The following ERC2 variants were observed in gnomAD, a reference collection of about 807,000 sequenced individuals.
ERC2 encodes the protein ELKS/RAB6-interacting/CAST family member 2.
A neutral mutation model predicts 114.8 loss-of-function variants in ERC2; 42 were observed. The ratio of observed to expected loss-of-function variants is 0.37; its 90% CI spans 0.29 to 0.47. The LOEUF is 0.47. Ranked by LOEUF, ERC2 falls within the 20% of genes least tolerant of loss-of-function variation. The pLI, the probability that ERC2 is intolerant of heterozygous loss-of-function variation, is 0.99. For synonymous variants in ERC2, 454 were observed against 425.5 expected, an observed-to-expected ratio of 1.07 and a Z score of -0.82; for missense variants, 939 against 1,150.7, an observed-to-expected ratio of 0.82 and a Z score of 2.66.
At position 56,148,912 on chromosome 3, in the gene ERC2, A is replaced by G; in HGVS notation, c.1305+65T>C. On this transcript the variant is annotated intron_variant, in intron 5 of 17. Transcript: ENST00000288221. ...ATTATATGGAGTATTTGGAAAAAGT[A>G]TGTATGTAAACTGTAACTTTCTAGT... The G allele has an allele frequency of 2.1e-6, 3 of 1,430,084 alleles. 1 individual carries two copies. Among genetic ancestry groups the G allele is most frequent in the Middle Eastern group, 1.8e-4 (1 of 5,422 alleles). The allele number at this position is 1,430,084 out of a possible 1,614,324, so 88.6% of individuals were successfully genotyped here. A position where few individuals can be genotyped will look rare whatever the true frequency, so the allele number is the denominator to read the frequency against.
intron 3 of ERC2, among the ~76,000 whole-genome samples, chr3:56,214,965 C>G (rs1203983207): frequency 6.6e-6 from 1 of 152,184 alleles, no homozygotes; most frequent in African/African-American, 2.4e-5. Flanking sequence ...CATCACCATG[C>G]CTGCCCTAAA....
chr3:55,968,503 C>A (rs1000263855), intron 12 of ERC2, among the ~76,000 whole-genome samples: 2 of 152,152 alleles, frequency 1.3e-5, no homozygotes, highest in African/African-American at 4.8e-5. Context: ...GCTGCAATGA[C>A]TAATTATAAG....
chr3:55,757,920 A>G (rs929344926), intron 14 of ERC2, among the ~76,000 whole-genome samples: 2 of 152,096 alleles, frequency 1.3e-5, no homozygotes, highest in Non-Finnish European at 1.5e-5. Flanking sequence ...ATTCTATCAA[A>G]TCAAGATAAA....
chr3:56,063,658 A>G (rs1271977409), intron 7 of ERC2, among the ~76,000 whole-genome samples: 1 of 152,208 alleles, frequency 6.6e-6, no homozygotes, highest in African/African-American at 2.4e-5. Context: ...ACCTTAAGTA[A>G]CAACACTGAG....
At chr3:55,713,692 C>A (rs2063917514) in intron 15 of ERC2, among the ~76,000 whole-genome samples, 1 of 152,182 alleles carries the variant, frequency 6.6e-6, no homozygotes, top group Non-Finnish European at 1.5e-5. Context: ...ATAATTAGTT[C>A]CTTGTACATG....
chr3:55,990,734 T>C (rs1180790926), intron 11 of ERC2, among the ~76,000 whole-genome samples: 3 of 152,206 alleles, frequency 2.0e-5, no homozygotes, highest in African/African-American at 7.2e-5. Flanking sequence ...TTATTTGTTT[T>C]AGCATTTGTT....
At chr3:55,781,561 G>C (rs1173103506) in intron 14 of ERC2, among the ~76,000 whole-genome samples, 1 of 151,752 alleles carries the variant, frequency 6.6e-6, no homozygotes, top group African/African-American at 2.4e-5. Flanking sequence ...CTGAGGAGAT[G>C]AAACAACTCA....
chr3:56,280,251 A>G (rs1440944819), intron 3 of ERC2, among the ~76,000 whole-genome samples: 1 of 152,212 alleles, frequency 6.6e-6, no homozygotes, highest in East Asian at 1.9e-4. Context: ...GAGAGCTTCC[A>G]GAAGGAATGC....
chr3:56,309,735 A>C (rs910249297), intron 2 of ERC2, among the ~76,000 whole-genome samples: 3 of 152,230 alleles, frequency 2.0e-5, no homozygotes, highest in Non-Finnish European at 2.9e-5. Flanking sequence ...CTGAGTGAGC[A>C]AACAAGTTCC....
chr3:56,192,416 T>A (rs1396251726), intron 3 of ERC2, among the ~76,000 whole-genome samples: 1 of 152,200 alleles, frequency 6.6e-6, no homozygotes, highest in Non-Finnish European at 1.5e-5. Context: ...ATGTACATAA[T>A]CTCATTTATA....
chr3:55,700,740 G>A (rs2063183066), intron 15 of ERC2, among the ~76,000 whole-genome samples: 1 of 152,020 alleles, frequency 6.6e-6, no homozygotes, highest in South Asian at 2.1e-4. Context: ...CTGGAGGCTG[G>A]GTGACACGTG....
intron 14 of ERC2, among the ~76,000 whole-genome samples, chr3:55,828,974 T>C (rs1462698497): frequency 6.6e-6 from 1 of 151,872 alleles, no homozygotes; most frequent in Non-Finnish European, 1.5e-5. Flanking sequence ...CCTGTCTCTA[T>C]AAAAAAATTA....
intron 3 of ERC2, among the ~76,000 whole-genome samples, chr3:56,197,115 C>T (rs1382898260): frequency 6.6e-6 from 1 of 152,138 alleles, no homozygotes; most frequent in Non-Finnish European, 1.5e-5. Flanking sequence ...AGGCATGATC[C>T]TAAGAAATAG....
chr3:56,402,914 G>A (rs9862137), intron 2 of ERC2, among the ~76,000 whole-genome samples: 6,769 of 152,180 alleles, frequency 0.044, 376 homozygotes, highest in African/African-American at 0.13. Flanking sequence ...ATTCTTTGTT[G>A]CAAGGGACTC....
chr3:56,157,722 T>C (rs2081814404), intron 4 of ERC2, among the ~76,000 whole-genome samples: 1 of 151,334 alleles, frequency 6.6e-6, no homozygotes, highest in African/African-American at 2.4e-5. Context: ...CAGATCATTC[T>C]ACATTCAACC....
rs111922008 is a variant in ERC2 at position 56,142,216 on chromosome 3, C to A, written c.1306-2540G>T. On this transcript the variant is annotated intron_variant, in intron 5 of 17. Transcript: ENST00000288221. ...AATTTTCACACTTATTTGCAGGAAA[C>A]GTCTAAAAAACCCACTTATCCTTAT... Among the ~76,000 whole-genome samples, 394 of 152,148 alleles carry A rather than the reference C, an allele frequency of 2.6e-3. 2 individuals carry two copies. The highest frequency in any genetic ancestry group is 9.1e-3 in the African/African-American group (379 of 41,528).
At chr3:55,661,340 G>A (rs1214459725) in intron 17 of ERC2, among the ~76,000 whole-genome samples, 1 of 152,178 alleles carries the variant, frequency 6.6e-6, no homozygotes, top group Non-Finnish European at 1.5e-5. Context: ...CCGTCTGGTT[G>A]TGGGACTTTC....
At chr3:56,093,999 C>A (rs1420445345) in intron 6 of ERC2, among the ~76,000 whole-genome samples, 2 of 152,170 alleles carry the variant, frequency 1.3e-5, no homozygotes, top group Non-Finnish European at 2.9e-5. Flanking sequence ...TAGACAGTAG[C>A]ATACTAAAGG....
intron 2 of ERC2, among the ~76,000 whole-genome samples, chr3:56,388,950 G>C (rs1289423860): frequency 6.6e-6 from 1 of 151,984 alleles, no homozygotes; most frequent in Non-Finnish European, 1.5e-5. Flanking sequence ...CAATTCTAAA[G>C]AGAAATTACA....
Sources: gnomAD v4.1 joint callset for allele counts (sites outside exome capture counted in the v4.1 genomes callset) on GRCh38, gnomAD v4.1.1 for gene constraint, MANE v1.5 for transcripts, NCBI Gene and HGNC (gene_info 2026-07-23, HGNC 2026-07-21) for gene names.